Variants in TTC23 observed in about 807,000 individuals in gnomAD.
The protein encoded by TTC23 is tetratricopeptide repeat domain 23, also known as tetratricopeptide repeat protein 23.
Under a neutral mutation model 55.1 loss-of-function variants are expected in TTC23, and 58 were observed. The ratio of observed to expected loss-of-function variants is 1.05; its 90% CI spans 0.85 to 1.31. The LOEUF is 1.31. Among genes scored for constraint, TTC23 ranks in the 50% most tolerant of loss-of-function variants. The probability of loss-of-function intolerance (pLI) is 0.00; values close to 1 mark genes in which losing one functional copy is unlikely to be tolerated. For synonymous variants in TTC23, 203 were observed against 199.9 expected (o/e 1.02, Z -0.13); for missense variants, 516 against 534.4 (o/e 0.97, Z 0.34).
At chr15:99,248,950 C>A (rs114987390) in intron 1 of TTC23, among the ~76,000 whole-genome samples, 1 of 152,028 alleles carries the variant, frequency 6.6e-6, no homozygotes, top group Non-Finnish European at 1.5e-5. Flanking sequence ...CACAAATATA[C>A]ACAAAATTTG....
intron 8 of TTC23, among the ~76,000 whole-genome samples, chr15:99,208,981 A>G (rs753336179): frequency 6.6e-6 from 1 of 152,264 alleles, no homozygotes; most frequent in Non-Finnish European, 1.5e-5. Context: ...TACACTAGAC[A>G]GATGAAAAGA....
At chr15:99,167,062 A>G (rs2072209310) in intron 10 of TTC23, among the ~76,000 whole-genome samples, 1 of 152,050 alleles carries the variant, frequency 6.6e-6, no homozygotes, top group Non-Finnish European at 1.5e-5. Context: ...GCAGCCTTTG[A>G]CGGGAGGGCA....
At chr15:99,143,076 A>G (rs1264881440) in intron 12 of TTC23, among the ~76,000 whole-genome samples, 2 of 152,230 alleles carry the variant, frequency 1.3e-5, no homozygotes, top group African/African-American at 4.8e-5. Flanking sequence ...GCTAGGAGAC[A>G]GAAACAAATC....
intron 8 of TTC23, among the ~76,000 whole-genome samples, chr15:99,204,655 T>TTTTTTTTTTTTG (rs2076471281): frequency 3.4e-5 from 5 of 145,634 alleles, no homozygotes; most frequent in South Asian, 2.2e-4. Context: ...TTTTTTTTTT[T>TTTTTTTTTTTTG]AGACAGGTCT....
chr15:99,212,260 A>ATGTGTG (rs35709919), intron 8 of TTC23, among the ~76,000 whole-genome samples: 83 of 146,614 alleles, frequency 5.7e-4, no homozygotes, highest in South Asian at 8.7e-4. Context: ...TTAAAGAGGG[A>ATGTGTG]TGTGTGTGTG....
intron 9 of TTC23, among the ~76,000 whole-genome samples, chr15:99,179,225 C>A (rs2073890926): frequency 6.6e-6 from 1 of 152,220 alleles, no homozygotes; most frequent in Non-Finnish European, 1.5e-5. Context: ...CTGGGTCACA[C>A]TCCAGACCTC....
intron 9 of TTC23, among the ~76,000 whole-genome samples, chr15:99,198,543 T>C (rs1003944007): frequency 3.9e-5 from 6 of 152,242 alleles, no homozygotes; most frequent in Non-Finnish European, 8.8e-5. Flanking sequence ...TGGCACAACC[T>C]CCCCAATCCA....
rs1188011337 is a variant in TTC23, at chr15:99,249,414, C to T, written c.-674G>A. 2 of 152,208 alleles carry T rather than the reference C, an allele frequency of 1.3e-5. No homozygotes were observed. The highest frequency in any genetic ancestry group is 2.9e-5 in the Non-Finnish European group (2 of 68,058). The allele number at this position is 152,208 out of a possible 1,614,324, so 9.4% of individuals were successfully genotyped here. On this transcript the variant is annotated 5_prime_UTR_variant, in exon 1 of 14. Transcript: ENST00000394132. ...GTTTACCCAGTCTGCTGGAGAGGCTCACCGTTTCTTTTTCGAGCGAATTAC... is the reference window on the plus strand; with the variant it reads ...GTTTACCCAGTCTGCTGGAGAGGCTTACCGTTTCTTTTTCGAGCGAATTAC...
At chr15:99,217,194 T>C (rs934150760) in intron 8 of TTC23, among the ~76,000 whole-genome samples, 1 of 151,754 alleles carries the variant, frequency 6.6e-6, no homozygotes, top group Non-Finnish European at 1.5e-5. Flanking sequence ...TCTCACTCTG[T>C]CACCCAGGCT....
chr15:99,200,453 A>G (rs1240074426), intron 8 of TTC23, among the ~76,000 whole-genome samples: 3 of 152,216 alleles, frequency 2.0e-5, no homozygotes, highest in Non-Finnish European at 4.4e-5. Flanking sequence ...ATACACAGTA[A>G]GTGCTATATG....
chr15:99,189,745 C>A (rs2075065335), intron 9 of TTC23, among the ~76,000 whole-genome samples: 1 of 152,056 alleles, frequency 6.6e-6, no homozygotes, highest in South Asian at 2.1e-4. Flanking sequence ...AGAAACTATT[C>A]TAGATTAAAG....
chr15:99,182,254 A>T (rs867217001), intron 9 of TTC23, among the ~76,000 whole-genome samples: 6,435 of 132,164 alleles, frequency 0.049, 154 homozygotes, highest in Admixed American at 0.091. Context: ...TCTCTCACAC[A>T]CACACACACA....
chr15:99,210,653 T>C lies in TTC23; in HGVS notation c.581+7935A>G, dbSNP rs537664675. On this transcript the variant is annotated intron_variant, in intron 8 of 13. Transcript: ENST00000394132. ...AGAGAGAAGCAGAGAAAATGCAACT[T>C]AGACATCAAGGAACCTCAGGTGATG... Among the ~76,000 whole-genome samples, 4 of 152,260 alleles carry C rather than the reference T, an allele frequency of 2.6e-5. No homozygotes were observed. In the East Asian group the frequency reaches 5.8e-4, roughly 22 times the overall value.
upstream of TTC23, among the ~76,000 whole-genome samples, chr15:99,250,761 T>C (rs1183280080): frequency 3.9e-5 from 6 of 152,224 alleles, no homozygotes; most frequent in Non-Finnish European, 8.8e-5. Flanking sequence ...CTGACCTTTT[T>C]AGCAATCTTT....
chr15:99,197,321 CTTGA>C (rs2075822625), intron 9 of TTC23, among the ~76,000 whole-genome samples: 1 of 152,090 alleles, frequency 6.6e-6, no homozygotes, highest in Non-Finnish European at 1.5e-5. Flanking sequence ...CCAGGATGGT[CTTGA>C]TCTCCTGACC....
Position 99,156,155 on chromosome 15 carries a change from A to G in TTC23, c.1136T>C (p.Leu379Pro). ...QGNHSGARKKLKKCLQIQTLL... is the reference protein window; with the variant it reads ...QGNHSGARKKPKKCLQIQTLL... ...TACTGGTTCCAGCTTTACCTTCTTC[A>G]GTTTCTTGCGGGCCCCACTGTGGTT... The change falls in exon 12 of 14, where the codon CTG (leucine) becomes CCG (proline). Residue 379 changes from leucine to proline, a missense_variant. Transcript: ENST00000394132. 2.5e-6 allele frequency: 4 copies of G among 1,614,100 alleles called. No homozygotes were observed. The highest frequency in any genetic ancestry group is 2.5e-6 in the Non-Finnish European group (3 of 1,180,026).
intron 8 of TTC23, among the ~76,000 whole-genome samples, chr15:99,204,920 G>A (rs965722999): frequency 2.0e-5 from 3 of 152,080 alleles, no homozygotes; most frequent in African/African-American, 7.2e-5. Context: ...ACAGGCATGT[G>A]CCCCACTGCC....
intron 9 of TTC23, among the ~76,000 whole-genome samples, chr15:99,182,038 T>C (rs2151946463): frequency 6.6e-6 from 1 of 152,336 alleles, no homozygotes; most frequent in Admixed American, 6.5e-5. Flanking sequence ...TGTGTTTTCT[T>C]AAAACTTAAT....
intron 8 of TTC23, among the ~76,000 whole-genome samples, chr15:99,212,392 G>T (rs541818564): frequency 6.6e-6 from 1 of 152,258 alleles, no homozygotes; most frequent in East Asian, 1.9e-4. Context: ...TAACACTGGG[G>T]ATAAATTTGC....
Sources: allele counts gnomAD v4.1 joint callset (sites outside exome capture counted in the v4.1 genomes callset), GRCh38; gene constraint gnomAD v4.1.1; transcripts MANE v1.5; gene names NCBI Gene and HGNC (gene_info 2026-07-23, HGNC 2026-07-21).